Variants in ZDHHC8 observed in about 807,000 individuals in gnomAD.
The protein encoded by ZDHHC8 is zDHHC palmitoyltransferase 8.
A neutral mutation model predicts 61.2 loss-of-function variants in ZDHHC8; 24 were observed. That is an observed-to-expected ratio of 0.39 (90% CI 0.28 to 0.55). The LOEUF (loss-of-function observed/expected upper bound fraction) is 0.55, where lower values mean the gene tolerates loss of function less well. ZDHHC8 is among the 20% of genes least tolerant of loss of function. The pLI is 0.60. For missense variants in ZDHHC8, 935 were observed against 1,102.1 expected (o/e 0.85, Z 2.15); for synonymous variants, 523 against 492.5 (o/e 1.06, Z -0.82).
At position 20,143,616 on chromosome 22, in the gene ZDHHC8, T is replaced by C. The variant is rs780287855; in HGVS notation, c.1986T>C (p.Ser662=). 2.5e-6 allele frequency: 4 copies of C among 1,603,900 alleles called. No individual in the cohort carries two copies. In the Admixed American group the frequency reaches 6.7e-5, roughly 27 times the overall value. ...SSNAPGPRPS[S]GSHRSPARQG... ...ACGCCCCGGGGCCCCGGCCCAGCAGTGGCTCACACAGGTCACCTGCACGCC... is the reference window on the plus strand; with the variant it reads ...ACGCCCCGGGGCCCCGGCCCAGCAGCGGCTCACACAGGTCACCTGCACGCC... Residue 662 remains serine, a synonymous_variant, in exon 10 of 11, where the codon AGT becomes AGC. Coordinates refer to ENST00000334554, the MANE Select transcript of ZDHHC8 (RefSeq NM_013373.4).
chr22:20,142,070 C>T (rs186444153), intron 9 of ZDHHC8, among the ~76,000 whole-genome samples: 2 of 152,310 alleles, frequency 1.3e-5, no homozygotes, highest in African/African-American at 2.4e-5. Context: ...GCCATCCTTC[C>T]TTCTGGGCCA....
Position 20,143,172 on chromosome 22 carries a change from G to A in ZDHHC8, c.1542G>A (p.Thr514=), listed in dbSNP as rs376063304. 7.1e-5 allele frequency: 115 copies of A among 1,610,762 alleles called. 1 individual carries two copies. The African/African-American group carries it at 1.0e-3, about 14-fold the overall frequency. ...CACCCTACCTGCATCCTGGGGCAAC[G>A]GGCGACCCGCCACGGCCCCTACCCC... is the stretch of plus-strand genomic sequence containing the variant. ...YHSPYLHPGA[T]GDPPRPLPRS... Residue 514 remains threonine, a synonymous_variant, in exon 10 of 11, where the codon ACG becomes ACA. Coordinates refer to ENST00000334554, the MANE Select transcript of ZDHHC8 (RefSeq NM_013373.4).
intron 1 of ZDHHC8, among the ~76,000 whole-genome samples, chr22:20,135,824 C>T (rs1284602200): frequency 6.6e-6 from 1 of 152,268 alleles, no homozygotes; most frequent in Non-Finnish European, 1.5e-5. Flanking sequence ...GACAAGGGCG[C>T]AGCAGCTTCT....
Position 20,139,905 on chromosome 22 carries a change from C to G in ZDHHC8, c.557+13C>G. The stretch of plus-strand genomic sequence containing the variant: ...ACACCACCATCACGTATCCTTGGTT[C>G]CTGTGGGCCTCATTGCAGAGGCGAT... On this transcript the variant is annotated intron_variant, in intron 4 of 10. Coordinates refer to ENST00000334554, the MANE Select transcript of ZDHHC8 (RefSeq NM_013373.4). 1.3e-6 allele frequency: 2 copies of G among 1,547,034 alleles called. No homozygotes were observed. Among genetic ancestry groups the G allele is most frequent in the Non-Finnish European group, 1.8e-6 (2 of 1,141,356 alleles).
In ZDHHC8 at chr22:20,143,232, G is replaced by A. The variant is rs756136782; in HGVS notation, c.1602G>A (p.Arg534=). 5 of 1,607,052 alleles carry A rather than the reference G, an allele frequency of 3.1e-6. No homozygotes were observed. The South Asian group carries it at 4.4e-5, about 14-fold the overall frequency. ...SFSPVLGPRP[R]EPSPVRYDNL... is the part of the protein sequence containing the mutation. Reference sequence around the variant, plus strand: ...GCCCCGTGCTGGGCCCCCGCCCCCGGGAGCCCTCGCCTGTGCGCTACGACA... The same window carrying A: ...GCCCCGTGCTGGGCCCCCGCCCCCGAGAGCCCTCGCCTGTGCGCTACGACA... Residue 534 remains arginine, a synonymous_variant, in exon 10 of 11, where the codon CGG becomes CGA. Transcript: ENST00000334554.
chr22:20,141,947 T>G (rs944953054), intron 9 of ZDHHC8, among the ~76,000 whole-genome samples: 1 of 152,222 alleles, frequency 6.6e-6, no homozygotes, highest in African/African-American at 2.4e-5. Flanking sequence ...GAGACGTGCT[T>G]GAGAAAGCAC....
In ZDHHC8 at chr22:20,143,364, C is replaced by T. The variant is rs1471353026; in HGVS notation, c.1734C>T (p.Val578=). The T allele has an allele frequency of 1.3e-6, 2 of 1,585,016 alleles. No homozygotes were observed. Among genetic ancestry groups the T allele is most frequent in the Non-Finnish European group, 1.7e-6 (2 of 1,169,112 alleles). The change falls in exon 10 of 11, where the codon GTC becomes GTT. Residue 578 remains valine, a synonymous_variant. Coordinates refer to ENST00000334554, the MANE Select transcript of ZDHHC8 (RefSeq NM_013373.4). ...QADSLFGDSG[V]YDAPSSYSLQ... is the part of the protein sequence containing the mutation. ...ACTCACTCTTCGGCGACTCAGGCGT[C>T]TATGACGCTCCCAGCTCCTACAGCC...
intron 1 of ZDHHC8, among the ~76,000 whole-genome samples, chr22:20,137,468 C>T (rs543646314): frequency 6.4e-4 from 98 of 152,368 alleles, no homozygotes; most frequent in Middle Eastern, 3.4e-3. Context: ...CCTTGCAGCC[C>T]GAGGGTTGAC....
At chr22:20,137,439 G>A (rs2050431119) in intron 1 of ZDHHC8, among the ~76,000 whole-genome samples, 1 of 152,244 alleles carries the variant, frequency 6.6e-6, no homozygotes, top group African/African-American at 2.4e-5. Context: ...GGTCAGCACT[G>A]GGAGGACAGA....
Position 20,145,257 on chromosome 22 carries a change from A to G in ZDHHC8, c.2155A>G (p.Ser719Gly), listed in dbSNP as rs1214624066. Residue 719 changes from serine (S) to glycine (G), a missense_variant, in exon 11 of 11, where the codon AGT becomes GGT. Ser to Gly is a moderately conservative substitution (Grantham distance 56). Transcript: ENST00000334554. ...RDHPQLKTPPSKLNGQSPGLA... is the reference protein window; with the variant it reads ...RDHPQLKTPPGKLNGQSPGLA... ...CCACCCTCAGCTGAAGACTCCCCCAAGTAAGCTTAATGGGCAGTCCCCGGG... is the reference window on the plus strand; with the variant it reads ...CCACCCTCAGCTGAAGACTCCCCCAGGTAAGCTTAATGGGCAGTCCCCGGG... 2.6e-6 allele frequency: 4 copies of G among 1,524,484 alleles called. No homozygotes were observed. The highest frequency in any genetic ancestry group is 2.2e-5 in the Admixed American group (1 of 45,714). 94.4% of individuals were successfully genotyped at this position (1,524,484 alleles called of 1,614,324 possible). A position where few individuals can be genotyped will look rare whatever the true frequency, so the allele number is the denominator to read the frequency against.
In ZDHHC8 at chr22:20,140,874, C is replaced by T. The variant is rs142702809; in HGVS notation, c.756C>T (p.Tyr252=). Residue 252 remains tyrosine (Y), a synonymous_variant, in exon 7 of 11, where the codon TAC becomes TAT. Transcript: ENST00000334554. ...HVLCSPLAPR[Y]VVEPPRLPLA... ...TGACCCCTGTGCCCTGGTGCAGGTA[C>T]GTGGTGGAGCCACCCCGGCTGCCGC... The T allele has an allele frequency of 1.6e-5, 25 of 1,601,658 alleles. No individual in the cohort carries two copies. Among genetic ancestry groups the T allele is most frequent in the East Asian group, 2.2e-5 (1 of 44,900 alleles).
Position 20,139,517 on chromosome 22 carries a change from C to T in ZDHHC8, c.266C>T (p.Pro89Leu), listed in dbSNP as rs751542417. Residue 89 changes from proline to leucine, a missense_variant, in exon 3 of 11, where the codon CCG becomes CTG. Pro to Leu is a moderately conservative substitution (Grantham distance 98). Coordinates refer to ENST00000334554, the MANE Select transcript of ZDHHC8 (RefSeq NM_013373.4). ...GACAAGGAGGACGACTTCCGGGCTC[C>T]GCTGTACAAGAACGTGGATGTGCGA... ...DEDKEDDFRA[P>L]LYKNVDVRGI... 18 of 1,613,486 alleles carry T rather than the reference C, an allele frequency of 1.1e-5. No homozygotes were observed. The highest frequency in any genetic ancestry group is 1.4e-5 in the Non-Finnish European group (17 of 1,180,004).
chr22:20,134,600 C>T (rs1030765196), intron 1 of ZDHHC8, among the ~76,000 whole-genome samples: 7 of 152,234 alleles, frequency 4.6e-5, no homozygotes, highest in African/African-American at 1.4e-4. Flanking sequence ...GTTTGCTCCT[C>T]GGACGTTACC....
Position 20,143,589 on chromosome 22 carries a change from C to T in ZDHHC8, c.1959C>T (p.Ser653=). ...SSSLQADQAS[S]NAPGPRPSSG... Reference sequence around the variant, plus strand: ...CCCTGCAGGCTGATCAGGCCAGCAGCAACGCCCCGGGGCCCCGGCCCAGCA... The same window carrying T: ...CCCTGCAGGCTGATCAGGCCAGCAGTAACGCCCCGGGGCCCCGGCCCAGCA... Residue 653 remains serine, a synonymous_variant, in exon 10 of 11, where the codon AGC becomes AGT. Transcript: ENST00000334554. 6.2e-7 allele frequency: 1 copy of T among 1,600,692 alleles called. No individual in the cohort carries two copies. Among genetic ancestry groups the T allele is most frequent in the Non-Finnish European group, 8.5e-7 (1 of 1,177,958 alleles).
rs778133092 is a variant in ZDHHC8 at position 20,143,098 on chromosome 22, G to A, written c.1468G>A (p.Gly490Ser). The A allele has an allele frequency of 6.2e-7, 1 of 1,612,330 alleles. No individual in the cohort carries two copies. The change falls in exon 10 of 11, where the codon GGC becomes AGC. Residue 490 changes from glycine (G) to serine (S), a missense_variant. Coordinates refer to ENST00000334554, the MANE Select transcript of ZDHHC8 (RefSeq NM_013373.4). ...CCTGCTCAATCCTGGCTCGCCTGGT[G>A]GCCACGCCTGCCCTGCCCACCCAGC... ...DSLLNPGSPGGHACPAHPAVG... is the reference protein window; with the variant it reads ...DSLLNPGSPGSHACPAHPAVG...
chr22:20,144,974 G>A (rs561073683), intron 10 of ZDHHC8, among the ~76,000 whole-genome samples: 8 of 152,244 alleles, frequency 5.3e-5, no homozygotes, highest in Admixed American at 2.0e-4. Context: ...CCAGGGACTC[G>A]GGAGGGTGGT....
At chr22:20,135,974 G>A (rs2050416347) in intron 1 of ZDHHC8, among the ~76,000 whole-genome samples, 1 of 152,268 alleles carries the variant, frequency 6.6e-6, no homozygotes, top group Admixed American at 6.5e-5. Context: ...CTGCCCCTAA[G>A]CCACCCCTCT....
At position 20,140,688 on chromosome 22, in the gene ZDHHC8, G is replaced by A. The variant is rs560803037; in HGVS notation, c.732G>A (p.Leu244=). The change falls in exon 6 of 11, where the codon CTG becomes CTA. Residue 244 remains leucine, a synonymous_variant. Coordinates refer to ENST00000334554, the MANE Select transcript of ZDHHC8 (RefSeq NM_013373.4). ...GCTGTGGGAATGTGGAGCACGTGCTGTGTAGCCCCCTGGCGCCCCGGTGAG... is the reference window on the plus strand; with the variant it reads ...GCTGTGGGAATGTGGAGCACGTGCTATGTAGCCCCCTGGCGCCCCGGTGAG... The part of the protein sequence containing the change: ...RGCCGNVEHV[L]CSPLAPRYVV... 50 of 1,611,764 alleles carry A rather than the reference G, an allele frequency of 3.1e-5. No individual in the cohort carries two copies. In the South Asian group the frequency reaches 5.2e-4, roughly 17 times the overall value.
intron 1 of ZDHHC8, among the ~76,000 whole-genome samples, chr22:20,136,143 G>A (rs1325692174): frequency 6.6e-6 from 1 of 152,208 alleles, no homozygotes; most frequent in Non-Finnish European, 1.5e-5. Flanking sequence ...TAGCTTGGCT[G>A]GAGCCAGCCA....
Sources: gnomAD v4.1 joint callset for allele counts (sites outside exome capture counted in the v4.1 genomes callset) on GRCh38, gnomAD v4.1.1 for gene constraint, MANE v1.5 for transcripts, NCBI Gene and HGNC (gene_info 2026-07-23, HGNC 2026-07-21) for gene names.